The following AVL9 variants were observed in gnomAD, a reference collection of about 807,000 sequenced individuals.
The protein encoded by AVL9 is AVL9 cell migration associated.
Under a neutral mutation model 79.2 loss-of-function variants are expected in AVL9, and 49 were observed. The ratio of observed to expected loss-of-function variants is 0.62; its 90% CI spans 0.49 to 0.79. The LOEUF (loss-of-function observed/expected upper bound fraction) is 0.79. Ranked by LOEUF, AVL9 falls within the 30% of genes least tolerant of loss-of-function variation. The pLI is 0.00. For missense variants in AVL9, 682 were observed against 776.8 expected (o/e 0.88, Z 1.45); for synonymous variants, 299 against 280.6 (o/e 1.07, Z -0.65).
At chr7:32,576,308 G>A (rs1791096473) in intron 13 of AVL9, among the ~76,000 whole-genome samples, 1 of 152,166 alleles carries the variant, frequency 6.6e-6, no homozygotes, top group Admixed American at 6.5e-5. Context: ...GGCTCTCGAT[G>A]TGATTCAGAG....
Position 32,536,424 on chromosome 7 carries a change from CTG to C in AVL9, c.94-6712_94-6711del, listed in dbSNP as rs564863846. The C allele has an allele frequency of 5.8e-3, 877 of 152,256 alleles. 10 individuals are homozygous for C. Among genetic ancestry groups the C allele is most frequent in the African/African-American group, 0.02 (819 of 41,556 alleles). The allele number at this position is 152,256 out of a possible 1,614,324, so 9.4% of individuals were successfully genotyped here. Reference sequence around the variant, plus strand: ...GCCTCTGTGCCATGAAATTTTGTGTCTGTGTGGATTAATTTGGATATATAGAA... The same window carrying C: ...GCCTCTGTGCCATGAAATTTTGTGTCTGTGGATTAATTTGGATATATAGAA... On this transcript the variant is annotated intron_variant, in intron 1 of 15. Transcript: ENST00000318709.
At chr7:32,497,396 G>A (rs980056437) in intron 1 of AVL9, among the ~76,000 whole-genome samples, 1 of 152,170 alleles carries the variant, frequency 6.6e-6, no homozygotes, top group African/African-American at 2.4e-5. Context: ...TAGAATGACT[G>A]GTCTAGAATC....
chr7:32,497,809 G>A (rs1006685335), intron 1 of AVL9, among the ~76,000 whole-genome samples: 2 of 151,782 alleles, frequency 1.3e-5, no homozygotes, highest in East Asian at 3.9e-4. Context: ...CCGCCACCGC[G>A]CCCGGCTAAT....
At chr7:32,519,575 T>C (rs758957165) in intron 1 of AVL9, among the ~76,000 whole-genome samples, 3 of 152,238 alleles carry the variant, frequency 2.0e-5, no homozygotes, top group Non-Finnish European at 4.4e-5. Context: ...GTTTAAAATC[T>C]TAAAATCATG....
rs984646206 is a variant in AVL9 at position 32,570,296 on chromosome 7, G to A, written c.1350+142G>A. ...GCCATGTATTCTAAGTATTTTATGT[G>A]TATTAACTGGTCTAATTCTCATAAA... is the stretch of plus-strand genomic sequence containing the variant. On this transcript the variant is annotated intron_variant, in intron 11 of 15. Coordinates refer to ENST00000318709, the MANE Select transcript of AVL9 (RefSeq NM_015060.3). 7.0e-5 allele frequency: 80 copies of A among 1,145,502 alleles called. No homozygotes were observed. In the Admixed American group the frequency reaches 1.6e-3, roughly 23 times the overall value. The allele number at this position is 1,145,502 out of a possible 1,614,324, so 71.0% of individuals were successfully genotyped here. A position where few individuals can be genotyped will look rare whatever the true frequency, so the allele number is the denominator to read the frequency against.
At chr7:32,568,862 T>G (rs1790699590) in intron 10 of AVL9, among the ~76,000 whole-genome samples, 1 of 152,206 alleles carries the variant, frequency 6.6e-6, no homozygotes, top group Non-Finnish European at 1.5e-5. Flanking sequence ...ATACTGAGCA[T>G]CTCTAATGCA....
intron 1 of AVL9, among the ~76,000 whole-genome samples, chr7:32,524,887 C>T (rs1272831029): frequency 6.6e-6 from 1 of 152,066 alleles, no homozygotes. Flanking sequence ...CTGAAGCCAC[C>T]CCTATGCTAA....
At chr7:32,564,695 A>G (rs7787353) in intron 10 of AVL9, among the ~76,000 whole-genome samples, 127,501 of 152,100 alleles carry the variant, frequency 0.84, 53,503 homozygotes, top group Middle Eastern at 0.88. Flanking sequence ...AAATGCTGTG[A>G]ATACTAGCTT....
chr7:32,525,269 A>G (rs1261587836), intron 1 of AVL9, among the ~76,000 whole-genome samples: 1 of 152,252 alleles, frequency 6.6e-6, no homozygotes, highest in Non-Finnish European at 1.5e-5. Flanking sequence ...TTATGACAGT[A>G]TAGTTGTTTG....
rs1393742907 is a variant in AVL9 at position 32,579,512 on chromosome 7, T to TTATATTATATATTATATATTA, written c.1689-703_1689-683dup. On this transcript the variant is annotated intron_variant, in intron 13 of 15. Transcript: ENST00000318709. ...TATATTACATATTATATATTATATATTATATTATATATTATATATTATATT... is the reference window on the plus strand; with the variant it reads ...TATATTACATATTATATATTATATATTATATTATATATTATATATTATATATTATATATTATATATTATATT... Among the ~76,000 whole-genome samples the TTATATTATATATTATATATTA allele has an allele frequency of 5.0e-4, 2 of 4,018 alleles. 1 individual carries two copies. Among genetic ancestry groups the TTATATTATATATTATATATTA allele is most frequent in the African/African-American group, 2.4e-3 (2 of 820 alleles). The allele number at this position is 4,018 out of a possible 152,430, so 2.6% of individuals were successfully genotyped here.
At chr7:32,553,461 A>G (rs1195896983) in intron 6 of AVL9, among the ~76,000 whole-genome samples, 2 of 152,208 alleles carry the variant, frequency 1.3e-5, no homozygotes, top group East Asian at 3.8e-4. Context: ...TCTCAGTCAC[A>G]CATGCCACAT....
rs750131768 is a variant in AVL9 at position 32,554,044 on chromosome 7, G to T, written c.570+277G>T. On this transcript the variant is annotated intron_variant, in intron 7 of 15. Coordinates refer to ENST00000318709, the MANE Select transcript of AVL9 (RefSeq NM_015060.3). ...TTTCTATTGTTTTTGCAATTTCATC[G>T]ATCATGAGATTAGAGTGGAAAGAAA... is the stretch of plus-strand genomic sequence containing the variant. Among the ~76,000 whole-genome samples the T allele has an allele frequency of 2.0e-5, 3 of 152,066 alleles. No homozygotes were observed. The East Asian group carries it at 5.8e-4, about 29-fold the overall frequency.
intron 1 of AVL9, among the ~76,000 whole-genome samples, chr7:32,508,856 A>G (rs1308491065): frequency 1.3e-5 from 2 of 152,232 alleles, no homozygotes; most frequent in Non-Finnish European, 2.9e-5. Flanking sequence ...GTATTACACT[A>G]TCTTATTATA....
chr7:32,532,368 A>C (rs2128129230), intron 1 of AVL9: 1 of 152,332 alleles, frequency 6.6e-6, no homozygotes, highest in South Asian at 2.1e-4. Context: ...TGGAAAAACA[A>C]GTTCTCACTT....
chr7:32,542,595 A>G (rs1026875027), intron 1 of AVL9, among the ~76,000 whole-genome samples: 13 of 152,330 alleles, frequency 8.5e-5, no homozygotes, highest in African/African-American at 2.6e-4. Context: ...CATGAATTTT[A>G]AATTCAGTGG....
At chr7:32,503,963 G>A (rs59606219) in intron 1 of AVL9, among the ~76,000 whole-genome samples, 25,616 of 152,166 alleles carry the variant, frequency 0.17, 2,790 homozygotes, top group Admixed American at 0.3. Flanking sequence ...GATTACAGGC[G>A]TAAGCCACCG....
At chr7:32,556,479 A>C (rs1318583832) in intron 8 of AVL9, among the ~76,000 whole-genome samples, 2 of 151,798 alleles carry the variant, frequency 1.3e-5, no homozygotes, top group Non-Finnish European at 2.9e-5. Context: ...ACACCACTGC[A>C]CTCTAGCCTG....
rs370520367 is a variant in AVL9 at position 32,572,668 on chromosome 7, G to C, written c.1351-531G>C. The stretch of plus-strand genomic sequence containing the variant: ...ATACAAAAAATTAGCCGGGCGTGGT[G>C]GTGGGCGCCTGTAGTCCCAGCTACT... On this transcript the variant is annotated intron_variant, in intron 11 of 15. Transcript: ENST00000318709. 6.4e-4 allele frequency among the ~76,000 whole-genome samples: 97 copies of C among 151,036 alleles called. 7 individuals carry two copies. Among genetic ancestry groups the C allele is most frequent in the African/African-American group, 2.3e-3 (93 of 40,586 alleles).
intron 1 of AVL9, 121 bp from the exon 2 acceptor site, chr7:32,543,020 C>T: frequency 8.0e-7 from 1 of 1,255,598 alleles, no homozygotes; most frequent in Non-Finnish European, 1.1e-6. Flanking sequence ...TATCAAATGA[C>T]ATTATACAGT....
Sources: allele counts gnomAD v4.1 joint callset (sites outside exome capture counted in the v4.1 genomes callset), GRCh38; gene constraint gnomAD v4.1.1; transcripts MANE v1.5; gene names NCBI Gene and HGNC (gene_info 2026-07-23, HGNC 2026-07-21).